The following RSBN1L variants were observed in gnomAD, a reference collection of about 807,000 sequenced individuals.
RSBN1L encodes the protein round spermatid basic protein 1 like.
A neutral mutation model predicts 67.7 loss-of-function variants in RSBN1L; 30 were observed. The observed-to-expected ratio is 0.44, with a 90% CI of 0.33 to 0.60. RSBN1L has a LOEUF of 0.60. Ranked by LOEUF, RSBN1L falls within the 20% of genes least tolerant of loss-of-function variation. RSBN1L has a pLI of 0.02. For synonymous variants in RSBN1L, 433 were observed against 387.0 expected (o/e 1.12, Z -1.39); for missense variants, 992 against 1,031.7 (o/e 0.96, Z 0.53).
intron 1 of RSBN1L, among the ~76,000 whole-genome samples, chr7:77,723,720 G>A (rs912785809): frequency 2.6e-5 from 4 of 152,102 alleles, no homozygotes; most frequent in Non-Finnish European, 5.9e-5. Context: ...AGGATCACAA[G>A]GTTAGGAGTT....
intron 1 of RSBN1L, 75 bp downstream of exon 1, chr7:77,697,130 G>T: frequency 1.5e-6 from 2 of 1,298,976 alleles, no homozygotes; most frequent in Non-Finnish European, 1.9e-6. Context: ...CGGGGCCCGG[G>T]AAGGGGGAGC....
At chr7:77,726,250 A>G (rs1040583867) in intron 1 of RSBN1L, among the ~76,000 whole-genome samples, 4 of 152,176 alleles carry the variant, frequency 2.6e-5, no homozygotes, top group African/African-American at 9.7e-5. Flanking sequence ...GAATTTCCTT[A>G]GTATTTTGTC....
At position 77,778,956 on chromosome 7, in the gene RSBN1L, G is replaced by C; in HGVS notation, c.2329G>C (p.Ala777Pro). ...VNVNIPEKTT[A>P]LNNMDGKNVK... The stretch of plus-strand genomic sequence containing the variant: ...TGTTAATATTCCTGAAAAGACTACA[G>C]CACTGAATAATATGGATGGCAAGAA... Residue 777 changes from alanine (A) to proline (P), a missense_variant, in exon 8 of 8, where the codon GCA (alanine) becomes CCA (proline). Coordinates refer to ENST00000334955, the MANE Select transcript of RSBN1L (RefSeq NM_198467.3). 6.2e-7 allele frequency: 1 copy of C among 1,613,780 alleles called. No individual in the cohort carries two copies. The highest frequency in any genetic ancestry group is 8.5e-7 in the Non-Finnish European group (1 of 1,179,720).
At chr7:77,713,133 A>G (rs1474997511) in intron 1 of RSBN1L, among the ~76,000 whole-genome samples, 1 of 152,134 alleles carries the variant, frequency 6.6e-6, no homozygotes, top group Non-Finnish European at 1.5e-5. Context: ...GTGCTTTGCC[A>G]AGTCTAAGGG....
chr7:77,718,774 A>G, intron 1 of RSBN1L, among the ~76,000 whole-genome samples: 1 of 152,210 alleles, frequency 6.6e-6, no homozygotes, highest in East Asian at 1.9e-4. Context: ...TAACCATTTT[A>G]TTATATCAGA....
intron 2 of RSBN1L, among the ~76,000 whole-genome samples, chr7:77,746,909 C>CA (rs1337245065): frequency 6.6e-6 from 1 of 152,238 alleles, no homozygotes; most frequent in Non-Finnish European, 1.5e-5. Flanking sequence ...AGGACACTCT[C>CA]ATGCAAGAGG....
chr7:77,697,010 G>A lies in RSBN1L; in HGVS notation c.541G>A (p.Gly181Arg). The change falls in exon 1 of 8, where the codon GGG becomes AGG. Residue 181 changes from glycine to arginine, a missense_variant. By Grantham distance (125) the Gly-to-Arg change is moderately radical. Coordinates refer to ENST00000334955, the MANE Select transcript of RSBN1L (RefSeq NM_198467.3). Reference sequence around the variant, plus strand: ...TCTCGGTGGGGCCCGAGAGGCCGGCGGGGCCTCCCGGGAGGAGAACGGGGA... The same window carrying A: ...TCTCGGTGGGGCCCGAGAGGCCGGCAGGGCCTCCCGGGAGGAGAACGGGGA... Reference protein sequence around the residue: ...HGLGGAREAGGASREENGEVK... With the variant: ...HGLGGAREAGRASREENGEVK... The A allele has an allele frequency of 6.5e-7, 1 of 1,527,960 alleles. No homozygotes were observed. Among genetic ancestry groups the A allele is most frequent in the Non-Finnish European group, 8.7e-7 (1 of 1,143,268 alleles). 94.7% of individuals were successfully genotyped at this position (1,527,960 alleles called of 1,614,324 possible).
At chr7:77,730,685 A>G (rs1351285570) in intron 1 of RSBN1L, among the ~76,000 whole-genome samples, 1 of 152,224 alleles carries the variant, frequency 6.6e-6, no homozygotes, top group African/African-American at 2.4e-5. Flanking sequence ...TTTACTTAGT[A>G]TGCATTTACA....
intron 1 of RSBN1L, among the ~76,000 whole-genome samples, chr7:77,714,800 A>G (rs1791024354): frequency 6.6e-6 from 1 of 151,882 alleles, no homozygotes; most frequent in Non-Finnish European, 1.5e-5. Context: ...GTTTCTACTA[A>G]AAATACAAAA....
chr7:77,737,095 G>A (rs1369300614), intron 2 of RSBN1L, among the ~76,000 whole-genome samples: 1 of 151,872 alleles, frequency 6.6e-6, no homozygotes, highest in Non-Finnish European at 1.5e-5. Flanking sequence ...GAAGAATTTG[G>A]GGGGTAGGTG....
intron 3 of RSBN1L, 75 bp downstream of exon 3, chr7:77,750,139 T>C (rs1173946702): frequency 1.2e-6 from 1 of 851,100 alleles, no homozygotes; most frequent in Non-Finnish European, 1.7e-6. Context: ...TTGTTCCTAA[T>C]TATAGGGCTG....
At position 77,749,544 on chromosome 7, in the gene RSBN1L, C is replaced by G. The variant is rs1489602747; in HGVS notation, c.824C>G (p.Ser275Cys). 8.7e-6 allele frequency: 14 copies of G among 1,613,034 alleles called. No individual in the cohort carries two copies. The highest frequency in any genetic ancestry group is 2.7e-5 in the African/African-American group (2 of 74,838). Residue 275 changes from serine (S) to cysteine (C), a missense_variant, in exon 3 of 8, where the codon TCT (serine) becomes TGT (cysteine). Transcript: ENST00000334955. ...AAGCGTCCGAAAATGTATAGCAAAT[C>G]TATTCAGACCATCTGCTCAGGATTG... ...KRKRPKMYSK[S>C]IQTICSGLLT...
chr7:77,734,978 G>A (rs927212173), intron 1 of RSBN1L, among the ~76,000 whole-genome samples: 1 of 150,502 alleles, frequency 6.6e-6, no homozygotes, highest in South Asian at 2.1e-4. Flanking sequence ...TCTTTTTCTT[G>A]TACTCAGACT....
chr7:77,700,582 A>G (rs1410881853), intron 1 of RSBN1L, among the ~76,000 whole-genome samples: 1 of 151,590 alleles, frequency 6.6e-6, no homozygotes, highest in Non-Finnish European at 1.5e-5. Context: ...TTCTAACTAC[A>G]CTCTCCTCCA....
At chr7:77,771,718 C>T (rs1328354677) in intron 5 of RSBN1L, among the ~76,000 whole-genome samples, 2 of 152,074 alleles carry the variant, frequency 1.3e-5, no homozygotes, top group African/African-American at 2.4e-5. Context: ...CCGTTTTGGC[C>T]AGGCTGGTCT....
intron 6 of RSBN1L, 25 bp downstream of exon 6, chr7:77,773,339 A>C (rs764656082): frequency 7.1e-7 from 1 of 1,400,988 alleles, no homozygotes; most frequent in Non-Finnish European, 9.4e-7. Flanking sequence ...CGCTATTTTA[A>C]TGAAAGAATT....
intron 2 of RSBN1L, among the ~76,000 whole-genome samples, chr7:77,746,530 T>C (rs1791486402): frequency 1.3e-5 from 2 of 152,140 alleles, no homozygotes; most frequent in African/African-American, 4.8e-5. Flanking sequence ...ATCCAAACCA[T>C]ATCATTTCAC....
chr7:77,720,340 C>T (rs948658196), intron 1 of RSBN1L, among the ~76,000 whole-genome samples: 1 of 151,964 alleles, frequency 6.6e-6, no homozygotes, highest in Non-Finnish European at 1.5e-5. Context: ...GTGGGTGGAT[C>T]ACCTGAGGTT....
intron 1 of RSBN1L, among the ~76,000 whole-genome samples, chr7:77,714,748 G>T (rs1280317434): frequency 2.6e-5 from 4 of 151,732 alleles, no homozygotes; most frequent in Non-Finnish European, 5.9e-5. Flanking sequence ...CGATCACGAG[G>T]TCAGGAGATT....
Sources: allele counts gnomAD v4.1 joint callset (sites outside exome capture counted in the v4.1 genomes callset), GRCh38; gene constraint gnomAD v4.1.1; transcripts MANE v1.5; gene names NCBI Gene and HGNC (gene_info 2026-07-23, HGNC 2026-07-21).